The following TMEM45A variants were observed in gnomAD, a reference collection of about 807,000 sequenced individuals.
TMEM45A encodes the protein transmembrane protein 45A.
TMEM45A carries 25 observed loss-of-function variants against 32.0 expected under a neutral mutation model. The observed-to-expected ratio is 0.78, with a 90% CI of 0.57 to 1.09. The LOEUF (loss-of-function observed/expected upper bound fraction) is 1.09, where lower values mean the gene tolerates loss of function less well. Among genes scored for constraint, TMEM45A ranks in the 50% least tolerant of loss-of-function variants. The pLI is 0.00. For synonymous variants in TMEM45A, 122 were observed against 114.8 expected, an observed-to-expected ratio of 1.06 and a Z score of -0.40; for missense variants, 302 against 325.0, an observed-to-expected ratio of 0.93 and a Z score of 0.54.
rs557691953 is a variant in TMEM45A at position 100,574,492 on chromosome 3, A to T, written c.735-2433A>T. The T allele has an allele frequency of 4.6e-5, 7 of 152,350 alleles. No homozygotes were observed. The East Asian group carries it at 1.3e-3, about 29-fold the overall frequency. 9.4% of individuals were successfully genotyped at this position (152,350 alleles called of 1,614,324 possible). On this transcript the variant is annotated intron_variant, in intron 5 of 5. Coordinates refer to ENST00000323523, the MANE Select transcript of TMEM45A (RefSeq NM_018004.3). The stretch of plus-strand genomic sequence containing the variant: ...GAATAGACCAATAACAGGCTCTGAA[A>T]TTGAGGCAATAATCAATAGCTTACC...
chr3:100,513,349 A>G (rs1375959501), intron 1 of TMEM45A, among the ~76,000 whole-genome samples: 1 of 152,118 alleles, frequency 6.6e-6, no homozygotes, highest in African/African-American at 2.4e-5. Flanking sequence ...GTAATCCAGC[A>G]TATAAACAGA....
chr3:100,566,361 T>G (rs528748639), intron 4 of TMEM45A, among the ~76,000 whole-genome samples: 3 of 152,234 alleles, frequency 2.0e-5, no homozygotes, highest in Admixed American at 1.3e-4. Flanking sequence ...CTGCAGAATT[T>G]TATCCCAATA....
intron 1 of TMEM45A, among the ~76,000 whole-genome samples, chr3:100,546,187 C>T (rs1467335665): frequency 6.6e-6 from 1 of 152,188 alleles, no homozygotes; most frequent in African/African-American, 2.4e-5. Context: ...TTCAATGGGA[C>T]ATAGCAGCAG....
At chr3:100,514,029 A>G (rs547499284) in intron 1 of TMEM45A, among the ~76,000 whole-genome samples, 10 of 152,346 alleles carry the variant, frequency 6.6e-5, no homozygotes, top group African/African-American at 1.9e-4. Context: ...AAGAATCAAT[A>G]TCGTGAAAAT....
At chr3:100,554,369 T>A (rs1706171044) in intron 1 of TMEM45A, among the ~76,000 whole-genome samples, 1 of 152,212 alleles carries the variant, frequency 6.6e-6, no homozygotes, top group Non-Finnish European at 1.5e-5. Context: ...AGGGATTGTT[T>A]CTTACAAAAT....
At chr3:100,539,200 T>C (rs1421658098) in intron 1 of TMEM45A, among the ~76,000 whole-genome samples, 1 of 152,180 alleles carries the variant, frequency 6.6e-6, no homozygotes, top group Non-Finnish European at 1.5e-5. Flanking sequence ...CTTCAAAACT[T>C]ATTTTAAAGC....
intron 1 of TMEM45A, among the ~76,000 whole-genome samples, chr3:100,506,130 C>A (rs140806826): frequency 6.6e-6 from 1 of 152,290 alleles, no homozygotes; most frequent in Non-Finnish European, 1.5e-5. Flanking sequence ...TCACCAAAGG[C>A]TGGGAATATT....
intron 1 of TMEM45A, among the ~76,000 whole-genome samples, chr3:100,544,400 C>A (rs1026706135): frequency 3.1e-4 from 47 of 152,102 alleles, no homozygotes; most frequent in African/African-American, 1.1e-3. Context: ...AAGTTCACAT[C>A]TTTTAAGAGT....
chr3:100,558,526 C>G lies in TMEM45A; in HGVS notation c.525C>G (p.Asn175Lys). The change falls in exon 4 of 6, where the codon AAC becomes AAG. Residue 175 changes from asparagine (N) to lysine (K), a missense_variant. Asn to Lys is a moderately conservative substitution (Grantham distance 94). Transcript: ENST00000323523. ...CCTTCCTAGAGTTCCTTGTTCGGAA[C>G]AATGTACTTCTGGAGCTATTGCGGT... ...LVAFLEFLVR[N>K]NVLLELLRSS... 2 of 1,614,140 alleles carry G rather than the reference C, an allele frequency of 1.2e-6. No homozygotes were observed. Among genetic ancestry groups the G allele is most frequent in the Admixed American group, 1.7e-5 (1 of 60,018 alleles).
At chr3:100,514,157 C>A (rs1463733638) in intron 1 of TMEM45A, among the ~76,000 whole-genome samples, 1 of 152,076 alleles carries the variant, frequency 6.6e-6, no homozygotes, top group Non-Finnish European at 1.5e-5. Flanking sequence ...AAAAAGAGCC[C>A]GCATTGCCAA....
At chr3:100,501,906 T>C (rs1249413458) in intron 1 of TMEM45A, among the ~76,000 whole-genome samples, 1 of 152,232 alleles carries the variant, frequency 6.6e-6, no homozygotes, top group Non-Finnish European at 1.5e-5. Context: ...AGTTGACCAC[T>C]AATTACATTT....
At chr3:100,565,676 A>C (rs1288422140) in intron 4 of TMEM45A, among the ~76,000 whole-genome samples, 1 of 152,196 alleles carries the variant, frequency 6.6e-6, no homozygotes, top group East Asian at 1.9e-4. Context: ...AGGATTATTC[A>C]TTATATTATC....
chr3:100,539,877 T>C (rs1319759409), intron 1 of TMEM45A, among the ~76,000 whole-genome samples: 1 of 152,294 alleles, frequency 6.6e-6, no homozygotes, highest in African/African-American at 2.4e-5. Flanking sequence ...CCCAGTCAAA[T>C]TGACACATAA....
intron 2 of TMEM45A, 75 bp downstream of exon 2, chr3:100,555,476 T>A: frequency 7.1e-7 from 1 of 1,409,330 alleles, no homozygotes; most frequent in East Asian, 2.3e-5. Context: ...TTGGAGCTTC[T>A]GAAATAATTT....
intron 1 of TMEM45A, among the ~76,000 whole-genome samples, chr3:100,496,456 T>A (rs2148922250): frequency 6.6e-6 from 1 of 152,314 alleles, no homozygotes; most frequent in Non-Finnish European, 1.5e-5. Context: ...AGAACCAGTC[T>A]AACTTTGTAG....
intron 1 of TMEM45A, among the ~76,000 whole-genome samples, chr3:100,538,946 T>C (rs1011103604): frequency 6.6e-6 from 1 of 151,980 alleles, no homozygotes; most frequent in Admixed American, 6.6e-5. Flanking sequence ...ATGCAAAAAA[T>C]CAAAGATCTA....
At chr3:100,540,143 AT>A (rs1705837873) in intron 1 of TMEM45A, among the ~76,000 whole-genome samples, 1 of 152,164 alleles carries the variant, frequency 6.6e-6, no homozygotes, top group Non-Finnish European at 1.5e-5. Context: ...CTGTTTTTTC[AT>A]TCTCTTAATG....
At chr3:100,493,120 C>CTTT (rs570241165) in intron 1 of TMEM45A, among the ~76,000 whole-genome samples, 192 bp downstream of exon 1, 102 of 115,836 alleles carry the variant, frequency 8.8e-4, no homozygotes, top group African/African-American at 9.9e-4. Context: ...GTTTGCTATT[C>CTTT]TTTTTTTTTT....
intron 1 of TMEM45A, among the ~76,000 whole-genome samples, chr3:100,536,961 G>A (rs1258970912): frequency 2.0e-5 from 3 of 152,240 alleles, no homozygotes; most frequent in Non-Finnish European, 4.4e-5. Flanking sequence ...TGCTGTTGTC[G>A]CCCAGGCCGG....
Sources: allele counts gnomAD v4.1 joint callset (sites outside exome capture counted in the v4.1 genomes callset), GRCh38; gene constraint gnomAD v4.1.1; transcripts MANE v1.5; gene names NCBI Gene and HGNC (gene_info 2026-07-23, HGNC 2026-07-21).